The following EPHA3 variants were observed in gnomAD, a reference collection of about 807,000 sequenced individuals.
EPHA3 encodes the protein ephrin type-A receptor 3.
Under a neutral mutation model 107.1 loss-of-function variants are expected in EPHA3, and 42 were observed. The ratio of observed to expected loss-of-function variants is 0.39; its 90% confidence interval spans 0.31 to 0.51. The LOEUF (loss-of-function observed/expected upper bound fraction) is 0.51. Ranked by LOEUF, EPHA3 falls within the 20% of genes least tolerant of loss-of-function variation. The pLI is 0.78. For synonymous variants in EPHA3, 461 were observed against 424.8 expected, an observed-to-expected ratio of 1.09 and a Z score of -1.05; for missense variants, 1,183 against 1,211.2, an observed-to-expected ratio of 0.98 and a Z score of 0.35.
At chr3:89,427,119 C>A (rs1261823357) in intron 11 of EPHA3, among the ~76,000 whole-genome samples, 2 of 151,958 alleles carry the variant, frequency 1.3e-5, no homozygotes, top group East Asian at 3.9e-4. Context: ...ATAGATGTTA[C>A]ATGGTGCCTT....
intron 3 of EPHA3, among the ~76,000 whole-genome samples, chr3:89,270,681 T>C (rs1272841984): frequency 1.3e-5 from 2 of 152,088 alleles, no homozygotes; most frequent in Non-Finnish European, 2.9e-5. Context: ...ATGAATTCAA[T>C]GTCAACTTGC....
chr3:89,393,496 C>T (rs1182357541), intron 5 of EPHA3, among the ~76,000 whole-genome samples: 1 of 152,118 alleles, frequency 6.6e-6, no homozygotes, highest in Non-Finnish European at 1.5e-5. Flanking sequence ...ATTTTCAAAA[C>T]TTCTTTGAAA....
chr3:89,399,591 G>T (rs1169742894), intron 7 of EPHA3, 111 bp downstream of exon 7: 1 of 1,483,386 alleles, frequency 6.7e-7, no homozygotes, highest in Non-Finnish European at 9.0e-7. Context: ...TACATTTAAG[G>T]TATATTGCTT....
intron 5 of EPHA3, among the ~76,000 whole-genome samples, chr3:89,391,791 G>A (rs1185768586): frequency 6.6e-6 from 1 of 151,924 alleles, no homozygotes; most frequent in Non-Finnish European, 1.5e-5. Flanking sequence ...ACTTTACAAA[G>A]TATATTATGT....
intron 2 of EPHA3, among the ~76,000 whole-genome samples, chr3:89,147,354 G>T (rs1704585052): frequency 6.6e-6 from 1 of 151,636 alleles, no homozygotes; most frequent in Non-Finnish European, 1.5e-5. Context: ...GGAAAAAAAA[G>T]CCACAGAGTG....
intron 2 of EPHA3, among the ~76,000 whole-genome samples, chr3:89,202,698 A>G (rs986996026): frequency 3.3e-5 from 5 of 152,008 alleles, no homozygotes; most frequent in Non-Finnish European, 7.4e-5. Context: ...ACAAATCACC[A>G]CAGAAAATCA....
At chr3:89,166,062 CG>C (rs968540518) in intron 2 of EPHA3, among the ~76,000 whole-genome samples, 2 of 152,238 alleles carry the variant, frequency 1.3e-5, no homozygotes, top group Non-Finnish European at 2.9e-5. Context: ...ATTAAAACCC[CG>C]GTGATCTAAC....
At chr3:89,394,303 G>A (rs1402217046) in intron 5 of EPHA3, among the ~76,000 whole-genome samples, 1 of 152,118 alleles carries the variant, frequency 6.6e-6, no homozygotes, top group Non-Finnish European at 1.5e-5. Context: ...TCAGCCAGTA[G>A]GATTGCTTTA....
chr3:89,183,327 A>C (rs551466171), intron 2 of EPHA3, among the ~76,000 whole-genome samples: 1 of 152,012 alleles, frequency 6.6e-6, no homozygotes, highest in East Asian at 1.9e-4. Context: ...TTGAGCTCCT[A>C]AGAGGTTTAT....
chr3:89,230,837 C>T (rs1177415864), intron 3 of EPHA3, among the ~76,000 whole-genome samples: 2 of 151,550 alleles, frequency 1.3e-5, no homozygotes, highest in Non-Finnish European at 2.9e-5. Flanking sequence ...CACACACACA[C>T]ACACACACAC....
chr3:89,140,181 T>G (rs1704401834), intron 2 of EPHA3, among the ~76,000 whole-genome samples: 1 of 151,884 alleles, frequency 6.6e-6, no homozygotes, highest in African/African-American at 2.4e-5. Flanking sequence ...TTAGCTTGAA[T>G]TCAAAGATTA....
chr3:89,458,393 G>A (rs927451210), intron 15 of EPHA3, among the ~76,000 whole-genome samples: 1 of 152,102 alleles, frequency 6.6e-6, no homozygotes, highest in Non-Finnish European at 1.5e-5. Flanking sequence ...GACTACTGCA[G>A]AAAACCACAG....
chr3:89,455,592 C>A (rs1364473546), intron 15 of EPHA3, among the ~76,000 whole-genome samples: 2 of 152,130 alleles, frequency 1.3e-5, no homozygotes, highest in African/African-American at 2.4e-5. Flanking sequence ...GAGGGAGGAG[C>A]AAAAGTATGA....
chr3:89,363,273 C>T lies in EPHA3; in HGVS notation c.1306+21183C>T, dbSNP rs555425538. Among the ~76,000 whole-genome samples, 36 of 149,334 alleles carry T rather than the reference C, an allele frequency of 2.4e-4. No homozygotes were observed. The South Asian group carries it at 7.0e-3, about 29-fold the overall frequency. ...TATCTGTCTATTGAGAGAGAGATAG[C>T]GAGGGGGCAGGAGACAGAGAGAGAG... On this transcript the variant is annotated intron_variant, in intron 5 of 16. Coordinates refer to ENST00000336596, the MANE Select transcript of EPHA3 (RefSeq NM_005233.6).
intron 2 of EPHA3, among the ~76,000 whole-genome samples, chr3:89,184,845 T>G (rs1336484554): frequency 6.6e-6 from 1 of 152,046 alleles, no homozygotes; most frequent in Non-Finnish European, 1.5e-5. Flanking sequence ...GATATTAGAA[T>G]GTGAAGCTGG....
intron 5 of EPHA3, among the ~76,000 whole-genome samples, chr3:89,371,469 A>G (rs550268214): frequency 7.3e-5 from 11 of 151,720 alleles, no homozygotes; most frequent in Non-Finnish European, 1.5e-4. Context: ...AAGGTAAGAT[A>G]GATAAAAGAT....
chr3:89,410,825 C>A (rs889450528), intron 9 of EPHA3, among the ~76,000 whole-genome samples: 33 of 151,796 alleles, frequency 2.2e-4, no homozygotes, highest in Non-Finnish European at 3.2e-4. Context: ...AAAGAAGTTT[C>A]TTCTTTTAAA....
intron 2 of EPHA3, among the ~76,000 whole-genome samples, chr3:89,209,071 A>G (rs1441835443): frequency 6.6e-6 from 1 of 152,220 alleles, no homozygotes; most frequent in African/African-American, 2.4e-5. Context: ...CACTGTTCTC[A>G]AAAGTCTGAA....
intron 3 of EPHA3, among the ~76,000 whole-genome samples, chr3:89,273,453 C>T (rs969318669): frequency 2.0e-5 from 3 of 151,858 alleles, no homozygotes; most frequent in African/African-American, 4.8e-5. Context: ...GTCTTATTTG[C>T]ACAATCTAAC....
Sources: gnomAD v4.1 joint callset for allele counts (sites outside exome capture counted in the v4.1 genomes callset) on GRCh38, gnomAD v4.1.1 for gene constraint, MANE v1.5 for transcripts, NCBI Gene and HGNC (gene_info 2026-07-23, HGNC 2026-07-21) for gene names.